Variants in CNGA3 observed in about 807,000 individuals in gnomAD.
CNGA3 encodes the protein cyclic nucleotide-gated channel alpha-3.
CNGA3 carries 42 observed loss-of-function variants against 46.6 expected under a neutral mutation model. The ratio of observed to expected loss-of-function variants is 0.90; its 90% CI spans 0.70 to 1.17. CNGA3 has a LOEUF of 1.17. Ranked by LOEUF, CNGA3 falls within the 50% of genes most tolerant of loss-of-function variation. CNGA3 has a pLI of 0.00. For synonymous variants in CNGA3, 394 were observed against 369.4 expected (o/e 1.07, Z -0.76); for missense variants, 893 against 890.7 (o/e 1.00, Z -0.03).
chr2:98,355,281 AT>A (rs1691856578), intron 1 of CNGA3, among the ~76,000 whole-genome samples: 1 of 152,200 alleles, frequency 6.6e-6, no homozygotes, highest in Non-Finnish European at 1.5e-5. Context: ...TGATATTCAA[AT>A]TGTTTTCACT....
Position 98,396,622 on chromosome 2 carries a change from G to T in CNGA3, c.1452G>T (p.Gln484His). The change falls in exon 8 of 8, where the codon CAG (glutamine) becomes CAT (histidine). Residue 484 changes from glutamine (Q) to histidine (H), a missense_variant. Transcript: ENST00000272602. ...LDTLKKVRIF[Q>H]DCEAGLLVEL... Reference sequence around the variant, plus strand: ...CGCTGAAGAAGGTTCGCATCTTCCAGGACTGTGAGGCAGGGCTGCTGGTGG... The same window carrying T: ...CGCTGAAGAAGGTTCGCATCTTCCATGACTGTGAGGCAGGGCTGCTGGTGG... The T allele has an allele frequency of 6.2e-7, 1 of 1,614,086 alleles. No homozygotes were observed. The highest frequency in any genetic ancestry group is 8.5e-7 in the Non-Finnish European group (1 of 1,180,000).
chr2:98,347,651 C>G (rs1192193219), intron 1 of CNGA3, among the ~76,000 whole-genome samples: 1 of 152,212 alleles, frequency 6.6e-6, no homozygotes, highest in Non-Finnish European at 1.5e-5. Context: ...ACACGCAGTC[C>G]GCCGGCTCAG....
chr2:98,358,591 A>T (rs1010114198), intron 1 of CNGA3, among the ~76,000 whole-genome samples: 1 of 152,238 alleles, frequency 6.6e-6, no homozygotes, highest in Non-Finnish European at 1.5e-5. Context: ...ACTCCATTGG[A>T]CAAATAATGA....
chr2:98,384,020 G>T (rs1371415824), intron 5 of CNGA3, among the ~76,000 whole-genome samples: 1 of 152,102 alleles, frequency 6.6e-6, no homozygotes, highest in Non-Finnish European at 1.5e-5. Flanking sequence ...CCGAGTAGCT[G>T]GGACTACAGG....
At chr2:98,355,987 T>A (rs1444541574) in intron 1 of CNGA3, 8 of 152,210 alleles carry the variant, frequency 5.3e-5, no homozygotes, top group African/African-American at 1.9e-4. Context: ...CAGGCCTCTT[T>A]GCCGGCTGTA....
At chr2:98,389,022 A>C (rs1692723069) in intron 5 of CNGA3, among the ~76,000 whole-genome samples, 1 of 152,036 alleles carries the variant, frequency 6.6e-6, no homozygotes, top group African/African-American at 2.4e-5. Flanking sequence ...AAAGTTAAGC[A>C]CTCTAAGCTA....
chr2:98,375,846 C>T, intron 2 of CNGA3, among the ~76,000 whole-genome samples: 1 of 151,970 alleles, frequency 6.6e-6, no homozygotes, highest in Non-Finnish European at 1.5e-5. Flanking sequence ...ACATTGGAAT[C>T]TCGGCTGTAC....
rs768299496 is a variant in CNGA3, at chr2:98,396,837, A to G, written c.1667A>G (p.Lys556Arg). ...YFGEISILNI[K>R]GSKSGNRRTA... Reference sequence around the variant, plus strand: ...GGGGAGATCAGCATTCTGAACATCAAGGGGAGCAAGTCGGGGAACCGCAGG... The same window carrying G: ...GGGGAGATCAGCATTCTGAACATCAGGGGGAGCAAGTCGGGGAACCGCAGG... The change falls in exon 8 of 8, where the codon AAG becomes AGG. Residue 556 changes from lysine to arginine, a missense_variant. By Grantham distance (26) the Lys-to-Arg change is conservative. Coordinates refer to ENST00000272602, the MANE Select transcript of CNGA3 (RefSeq NM_001298.3). The G allele has an allele frequency of 1.2e-6, 2 of 1,614,192 alleles. No individual in the cohort carries two copies. The highest frequency in any genetic ancestry group is 2.2e-5 in the South Asian group (2 of 91,090).
intron 2 of CNGA3, among the ~76,000 whole-genome samples, chr2:98,375,002 G>C (rs1692372053): frequency 6.6e-6 from 1 of 152,202 alleles, no homozygotes; most frequent in Non-Finnish European, 1.5e-5. Context: ...CCAGCCCACA[G>C]AATACTCAGC....
At chr2:98,349,377 A>AG (rs1264279630) in intron 1 of CNGA3, among the ~76,000 whole-genome samples, 1 of 152,236 alleles carries the variant, frequency 6.6e-6, no homozygotes, top group Non-Finnish European at 1.5e-5. Context: ...CTTGACCATC[A>AG]GGCTAAGAAA....
chr2:98,377,580 G>A, intron 2 of CNGA3, 107 bp from the exon 3 acceptor site: 1 of 1,039,328 alleles, frequency 9.6e-7, no homozygotes, highest in South Asian at 1.4e-5. Flanking sequence ...ATCTGTGAGG[G>A]TGGCTTTCCC....
In CNGA3 at chr2:98,391,899, T is replaced by C; in HGVS notation, c.602T>C (p.Met201Thr). 6.2e-7 allele frequency: 1 copy of C among 1,614,202 alleles called. No individual in the cohort carries two copies. ...CFDELQSEYL[M>T]LWLVLDYSAD... ...GATGAGCTGCAGTCCGAGTACCTGA[T>C]GCTGTGGCTGGTCCTGGACTACTCG... Residue 201 changes from methionine (M) to threonine (T), a missense_variant, in exon 7 of 8, where the codon ATG becomes ACG. Met to Thr is a moderately conservative substitution (Grantham distance 81). This residue lies in a region of CNGA3 where 333 missense variants were observed against 290.8 expected (regional missense o/e 1.15). Transcript: ENST00000272602.
Position 98,367,167 on chromosome 2 carries a change from G to GTTTATTTTCTTTTTTT in CNGA3, c.-37-2769_-37-2768insATTTTCTTTTTTTTTT, listed in dbSNP as rs751611132. Among the ~76,000 whole-genome samples the GTTTATTTTCTTTTTTT allele has an allele frequency of 4.0e-4, 41 of 101,610 alleles. 3 individuals are homozygous for GTTTATTTTCTTTTTTT. Among genetic ancestry groups the GTTTATTTTCTTTTTTT allele is most frequent in the African/African-American group, 9.4e-4 (28 of 29,934 alleles). The allele number at this position is 101,610 out of a possible 152,430, so 66.7% of individuals were successfully genotyped here. A position where few individuals can be genotyped will look rare whatever the true frequency, so the allele number is the denominator to read the frequency against. Reference sequence around the variant, plus strand: ...TTGGTGAGAACCTCTGACATCAGCTGTTTTTTTTCTTTTTTTTCTTTTTTT... The same window carrying GTTTATTTTCTTTTTTT: ...TTGGTGAGAACCTCTGACATCAGCTGTTTATTTTCTTTTTTTTTTTTTTTCTTTTTTTTCTTTTTTT... On this transcript the variant is annotated intron_variant, in intron 1 of 7. Coordinates refer to ENST00000272602, the MANE Select transcript of CNGA3 (RefSeq NM_001298.3).
intron 1 of CNGA3, among the ~76,000 whole-genome samples, chr2:98,348,556 G>A (rs1018007272): frequency 2.6e-5 from 4 of 152,152 alleles, no homozygotes; most frequent in Non-Finnish European, 4.4e-5. Context: ...TCTCCGTCCC[G>A]CCCTCCCCTT....
chr2:98,375,253 A>G (rs1273503464), intron 2 of CNGA3, among the ~76,000 whole-genome samples: 1 of 152,248 alleles, frequency 6.6e-6, no homozygotes, highest in Non-Finnish European at 1.5e-5. Flanking sequence ...CCCTCATGCA[A>G]TTAGCAGGAA....
intron 2 of CNGA3, among the ~76,000 whole-genome samples, chr2:98,371,248 T>G (rs1240103018): frequency 6.6e-6 from 1 of 152,202 alleles, no homozygotes; most frequent in African/African-American, 2.4e-5. Flanking sequence ...GCAGCTTAAA[T>G]GCACACTGTC....
intron 1 of CNGA3, among the ~76,000 whole-genome samples, chr2:98,366,118 CTTTG>C (rs1368934639): frequency 1.3e-5 from 2 of 152,092 alleles, no homozygotes; most frequent in Non-Finnish European, 2.9e-5. Flanking sequence ...GCTGTTGTTG[CTTTG>C]TTTATTTCTC....
chr2:98,380,030 G>C, intron 3 of CNGA3, 145 bp from the exon 4 acceptor site: 12 of 950,474 alleles, frequency 1.3e-5, no homozygotes, highest in Non-Finnish European at 1.9e-5. Context: ...CCCAGCACCC[G>C]TACCCTGCTG....
intron 1 of CNGA3, among the ~76,000 whole-genome samples, chr2:98,352,783 C>T (rs1366950078): frequency 6.6e-6 from 1 of 152,114 alleles, no homozygotes; most frequent in Admixed American, 6.5e-5. Flanking sequence ...CAGTTTCCTG[C>T]CCTCTATTGG....
Sources: allele counts gnomAD v4.1 joint callset (sites outside exome capture counted in the v4.1 genomes callset), GRCh38; gene constraint gnomAD v4.1.1; regional missense constraint gnomAD v4.1.1; transcripts MANE v1.5; gene names NCBI Gene and HGNC (gene_info 2026-07-23, HGNC 2026-07-21).